The following MME variants were observed in gnomAD, a reference collection of about 807,000 sequenced individuals.
MME encodes the protein membrane metalloendopeptidase.
Under a neutral mutation model 113.2 loss-of-function variants are expected in MME, and 98 were observed. The observed-to-expected ratio is 0.87, with a 90% confidence interval of 0.74 to 1.02. The LOEUF is 1.02. MME is among the 50% of genes least tolerant of loss of function. MME has a pLI of 0.00. For missense variants in MME, 836 were observed against 896.0 expected, an observed-to-expected ratio of 0.93 and a Z score of 0.86; for synonymous variants, 292 against 300.6, an observed-to-expected ratio of 0.97 and a Z score of 0.30.
chr3:155,133,905 T>C (rs1720412153), intron 8 of MME, among the ~76,000 whole-genome samples: 2 of 150,634 alleles, frequency 1.3e-5, no homozygotes, highest in South Asian at 4.2e-4. Context: ...AATACCCTGC[T>C]AAAGGTCGAT....
intron 8 of MME, among the ~76,000 whole-genome samples, chr3:155,128,667 T>C (rs1166264195): frequency 6.6e-6 from 1 of 152,050 alleles, no homozygotes; most frequent in Non-Finnish European, 1.5e-5. Flanking sequence ...TCTGTATACT[T>C]CTTATTTAAT....
chr3:155,130,702 G>A (rs1275846867), intron 8 of MME, among the ~76,000 whole-genome samples: 2 of 152,174 alleles, frequency 1.3e-5, no homozygotes, highest in Non-Finnish European at 2.9e-5. Context: ...ATGAGCAGGT[G>A]CAAGCTGGAA....
At position 155,105,195 on chromosome 3, in the gene MME, G is replaced by A. The variant is rs116018946; in HGVS notation, c.197-9799G>A. Among the ~76,000 whole-genome samples, 1,024 of 152,218 alleles carry A rather than the reference G, an allele frequency of 6.7e-3. 7 individuals are homozygous for A. Among genetic ancestry groups the A allele is most frequent in the African/African-American group, 0.024 (982 of 41,546 alleles). ...ATTATTGTGAATCCATTAGACATGAGATTTCTGTGATTATCTCAATGAGTT... is the reference window on the plus strand; with the variant it reads ...ATTATTGTGAATCCATTAGACATGAAATTTCTGTGATTATCTCAATGAGTT... On this transcript the variant is annotated intron_variant, in intron 3 of 22. Coordinates refer to ENST00000360490, the MANE Select transcript of MME (RefSeq NM_007289.4).
At chr3:155,062,691 T>A (rs1394626112) in intron 1 of MME, among the ~76,000 whole-genome samples, 1 of 152,034 alleles carries the variant, frequency 6.6e-6, no homozygotes, top group Non-Finnish European at 1.5e-5. Context: ...TTTAAAATAA[T>A]TATGTTTATT....
intron 1 of MME, among the ~76,000 whole-genome samples, chr3:155,045,255 A>T (rs748811580): frequency 6.6e-6 from 1 of 151,318 alleles, no homozygotes; most frequent in Non-Finnish European, 1.5e-5. Context: ...GGTTCAGACG[A>T]TTCCCCTGCC....
intron 1 of MME, among the ~76,000 whole-genome samples, chr3:155,052,526 C>T (rs1271796910): frequency 2.0e-5 from 3 of 152,224 alleles, no homozygotes; most frequent in Non-Finnish European, 4.4e-5. Context: ...GGGCTTACAC[C>T]CTCTGAAGCA....
At chr3:155,033,483 A>G (rs1239659374) in intron 1 of MME, among the ~76,000 whole-genome samples, 3 of 152,198 alleles carry the variant, frequency 2.0e-5, no homozygotes, top group Non-Finnish European at 4.4e-5. Flanking sequence ...CTTCATTATA[A>G]TGGAATTTTA....
intron 22 of MME, among the ~76,000 whole-genome samples, chr3:155,177,391 A>G (rs1240002095): frequency 6.6e-6 from 1 of 152,188 alleles, no homozygotes; most frequent in Non-Finnish European, 1.5e-5. Context: ...GCATTAATGA[A>G]TCAAAGCTCC....
chr3:155,038,663 A>T (rs1713208041), intron 1 of MME, among the ~76,000 whole-genome samples: 1 of 152,206 alleles, frequency 6.6e-6, no homozygotes, highest in Non-Finnish European at 1.5e-5. Context: ...AAAACTGCAG[A>T]TAGTACTGAA....
At chr3:155,040,522 A>G (rs894019233) in intron 1 of MME, among the ~76,000 whole-genome samples, 5 of 151,896 alleles carry the variant, frequency 3.3e-5, no homozygotes, top group Admixed American at 2.6e-4. Context: ...GTATTTATGT[A>G]TATATAATAT....
rs1411810254 is a variant in MME, at chr3:155,183,635, T to A, written c.*3176T>A. On this transcript the variant is annotated 3_prime_UTR_variant, in exon 23 of 23. Coordinates refer to ENST00000360490, the MANE Select transcript of MME (RefSeq NM_007289.4). Reference sequence around the variant, plus strand: ...GAAGAAAGACTCTATTCTCAAAGTTTCCTAATCAGAAATTTTTATCAGTTT... The same window carrying A: ...GAAGAAAGACTCTATTCTCAAAGTTACCTAATCAGAAATTTTTATCAGTTT... 6.6e-6 allele frequency: 1 copy of A among 152,182 alleles called. No homozygotes were observed. The highest frequency in any genetic ancestry group is 2.4e-5 in the African/African-American group (1 of 41,446). 9.4% of individuals were successfully genotyped at this position (152,182 alleles called of 1,614,324 possible). A position where few individuals can be genotyped will look rare whatever the true frequency, so the allele number is the denominator to read the frequency against.
chr3:155,082,519 T>C (rs1241760790), intron 1 of MME, among the ~76,000 whole-genome samples: 2 of 152,198 alleles, frequency 1.3e-5, no homozygotes, highest in South Asian at 4.1e-4. Flanking sequence ...CTACAATCAA[T>C]GCAATTCCAT....
chr3:155,057,012 T>A (rs569044872), intron 1 of MME, among the ~76,000 whole-genome samples: 1 of 152,088 alleles, frequency 6.6e-6, no homozygotes. Context: ...AACCTAGGCA[T>A]TACCATTCAG....
intron 1 of MME, among the ~76,000 whole-genome samples, chr3:155,070,747 T>G (rs1714522964): frequency 6.6e-6 from 1 of 152,212 alleles, no homozygotes; most frequent in African/African-American, 2.4e-5. Flanking sequence ...ACTTTCCCAC[T>G]CAGGAGTTGC....
intron 1 of MME, among the ~76,000 whole-genome samples, chr3:155,067,773 T>C (rs1714433301): frequency 6.6e-6 from 1 of 152,144 alleles, no homozygotes; most frequent in Admixed American, 6.5e-5. Context: ...ACTAAAAAGA[T>C]TGACTGTACC....
At chr3:155,122,789 T>G (rs1344935843) in intron 8 of MME, among the ~76,000 whole-genome samples, 18 of 43,082 alleles carry the variant, frequency 4.2e-4, no homozygotes, top group Non-Finnish European at 6.3e-4. Context: ...GAGATAGTTT[T>G]TTATAATTTC....
chr3:155,068,527 G>A (rs546375405), intron 1 of MME, among the ~76,000 whole-genome samples: 82 of 152,240 alleles, frequency 5.4e-4, no homozygotes, highest in African/African-American at 1.7e-3. Context: ...GGTCTGACAC[G>A]GTGTCACTGG....
chr3:155,135,085 T>C lies in MME; in HGVS notation c.721-3017T>C, dbSNP rs79577976. Among the ~76,000 whole-genome samples the C allele has an allele frequency of 7.5e-3, 1,144 of 152,260 alleles. 16 individuals carry two copies. The highest frequency in any genetic ancestry group is 0.026 in the African/African-American group (1,072 of 41,546). On this transcript the variant is annotated intron_variant, in intron 8 of 22. Coordinates refer to ENST00000360490, the MANE Select transcript of MME (RefSeq NM_007289.4). ...GGAATGTTTTCTCCCATTCTGTAGGTTGTCTGTTTACTATGTTCATAGTTT... is the reference window on the plus strand; with the variant it reads ...GGAATGTTTTCTCCCATTCTGTAGGCTGTCTGTTTACTATGTTCATAGTTT...
chr3:155,111,450 G>C lies in MME; in HGVS notation c.197-3544G>C, dbSNP rs534477362. On this transcript the variant is annotated intron_variant, in intron 3 of 22. Transcript: ENST00000360490. ...AGCAAAGTTGCCTCTTCCTCTCTCTGCTCTGCACATCCCTCACAAACTGAA... is the reference window on the plus strand; with the variant it reads ...AGCAAAGTTGCCTCTTCCTCTCTCTCCTCTGCACATCCCTCACAAACTGAA... Among the ~76,000 whole-genome samples the C allele has an allele frequency of 2.8e-4, 43 of 152,294 alleles. 1 individual carries two copies. The highest frequency in any genetic ancestry group is 8.7e-4 in the African/African-American group (36 of 41,562).
Sources: allele counts gnomAD v4.1 joint callset (sites outside exome capture counted in the v4.1 genomes callset), GRCh38; gene constraint gnomAD v4.1.1; transcripts MANE v1.5; gene names NCBI Gene and HGNC (gene_info 2026-07-23, HGNC 2026-07-21).